The following SLIT3 variants were observed in gnomAD, a reference collection of about 807,000 sequenced individuals.
SLIT3 encodes slit guidance ligand 3, also known as slit homolog 3 protein.
SLIT3 carries 68 observed loss-of-function variants against 184.0 expected under a neutral mutation model. That is an observed-to-expected ratio of 0.37 (90% confidence interval 0.30 to 0.45). The LOEUF (loss-of-function observed/expected upper bound fraction) is 0.45. Among genes scored for constraint, SLIT3 ranks in the 20% least tolerant of loss-of-function variants. The pLI, the probability that SLIT3 is intolerant of heterozygous loss-of-function variation, is 1.00. For missense variants in SLIT3, 1,707 were observed against 2,026.0 expected (o/e 0.84, Z 3.02); for synonymous variants, 831 against 828.6 (o/e 1.00, Z -0.05).
chr5:168,806,966 G>A (rs187415714), intron 8 of SLIT3, among the ~76,000 whole-genome samples: 1 of 152,304 alleles, frequency 6.6e-6, no homozygotes, highest in African/African-American at 2.4e-5. Context: ...GACGCTGAGT[G>A]TAAACATAGC....
At chr5:169,001,972 G>A (rs1351478222) in intron 4 of SLIT3, among the ~76,000 whole-genome samples, 1 of 151,812 alleles carries the variant, frequency 6.6e-6, no homozygotes, top group African/African-American at 2.4e-5. Context: ...GGAGAGGAGG[G>A]GACTCAAAAG....
At chr5:168,798,223 C>CTTTTTTTTTTTTTTTTTTTTTTTTT (rs747746239) in intron 9 of SLIT3, among the ~76,000 whole-genome samples, 2 of 109,028 alleles carry the variant, frequency 1.8e-5, no homozygotes, top group African/African-American at 9.1e-5. Flanking sequence ...TCTTCTTCTT[C>CTTTTTTTTTTTTTTTTTTTTTTTTT]TTTTTTTTTT....
chr5:168,741,011 G>A (rs1052040594), intron 20 of SLIT3, among the ~76,000 whole-genome samples: 1 of 152,170 alleles, frequency 6.6e-6, no homozygotes, highest in Non-Finnish European at 1.5e-5. Flanking sequence ...GCACGTGGGG[G>A]CATTTTTGTA....
chr5:168,767,091 T>C (rs1755371158), intron 14 of SLIT3, among the ~76,000 whole-genome samples: 1 of 152,188 alleles, frequency 6.6e-6, no homozygotes, highest in East Asian at 1.9e-4. Flanking sequence ...ACTTTAGATT[T>C]TGTGAACATT....
intron 4 of SLIT3, among the ~76,000 whole-genome samples, chr5:169,156,769 G>A (rs959981270): frequency 1.8e-4 from 27 of 152,192 alleles, no homozygotes; most frequent in African/African-American, 5.1e-4. Flanking sequence ...GAAAGATGGC[G>A]TAGATGTGCT....
At chr5:169,134,665 G>T (rs1347486271) in intron 4 of SLIT3, among the ~76,000 whole-genome samples, 2 of 152,096 alleles carry the variant, frequency 1.3e-5, no homozygotes. Context: ...CGAGTTGATG[G>T]GTGCAGCAAA....
At chr5:168,771,347 G>C (rs1184276767) in intron 14 of SLIT3, among the ~76,000 whole-genome samples, 1 of 152,180 alleles carries the variant, frequency 6.6e-6, no homozygotes, top group African/African-American at 2.4e-5. Context: ...CATCCAAGCA[G>C]CTGATTGTCA....
chr5:169,054,007 C>T (rs866158389), intron 4 of SLIT3, among the ~76,000 whole-genome samples: 15 of 152,026 alleles, frequency 9.9e-5, no homozygotes, highest in Admixed American at 7.2e-4. Context: ...AGGAGAATCT[C>T]TTGAACCCGG....
chr5:169,025,775 C>G (rs972447961), intron 4 of SLIT3, among the ~76,000 whole-genome samples: 1 of 151,996 alleles, frequency 6.6e-6, no homozygotes, highest in African/African-American at 2.4e-5. Flanking sequence ...GGTGATAGTT[C>G]ATCAAAAAAA....
At chr5:168,813,639 T>C (rs548519744) in intron 8 of SLIT3, among the ~76,000 whole-genome samples, 1 of 152,300 alleles carries the variant, frequency 6.6e-6, no homozygotes, top group East Asian at 1.9e-4. Context: ...AAAGGTACAG[T>C]TGACAGAGGA....
intron 4 of SLIT3, chr5:169,120,190 A>G (rs1374159499): frequency 6.6e-6 from 1 of 152,212 alleles, no homozygotes; most frequent in African/African-American, 2.4e-5. Context: ...ATTTGGTCAG[A>G]GTGCTCAGTT....
At chr5:169,055,737 C>T (rs1434047450) in intron 4 of SLIT3, among the ~76,000 whole-genome samples, 2 of 151,156 alleles carry the variant, frequency 1.3e-5, no homozygotes, top group Admixed American at 6.6e-5. Flanking sequence ...GAGGCTGAGG[C>T]AGAGAATGGT....
At chr5:169,258,252 A>T (rs755148329) in intron 1 of SLIT3, among the ~76,000 whole-genome samples, 3 of 152,062 alleles carry the variant, frequency 2.0e-5, no homozygotes, top group Non-Finnish European at 2.9e-5. Context: ...CCATTAGAGC[A>T]TTTTTTTTAT....
At position 168,696,399 on chromosome 5, in the gene SLIT3, C is replaced by T. The variant is rs769550253; in HGVS notation, c.2975G>A (p.Arg992Gln). ...CSCPLGFEGQRCEINPDDCED... is the reference protein window; with the variant it reads ...CSCPLGFEGQQCEINPDDCED... ...ACAGTCATCTGGGTTGATCTCACAC[C>T]GCTGCCCCTCAAAGCCCAGAGGGCA... The change falls in exon 28 of 36, where the codon CGG becomes CAG. Residue 992 changes from arginine (R) to glutamine (Q), a missense_variant. Arg to Gln is a conservative substitution (Grantham distance 43). Around this residue, in one of 3 missense-constraint regions of SLIT3, gnomAD observed 1,307 missense variants for 1,511.6 expected, o/e 0.86. Coordinates refer to ENST00000519560, the MANE Select transcript of SLIT3 (RefSeq NM_003062.4). The T allele has an allele frequency of 3.0e-5, 49 of 1,613,996 alleles. No individual in the cohort carries two copies. The highest frequency in any genetic ancestry group is 8.9e-5 in the East Asian group (4 of 44,880).
At chr5:169,257,844 C>G (rs1423800662) in intron 1 of SLIT3, among the ~76,000 whole-genome samples, 1 of 152,076 alleles carries the variant, frequency 6.6e-6, no homozygotes, top group Non-Finnish European at 1.5e-5. Context: ...CATGAGCCAC[C>G]ATGCCCAGCC....
chr5:169,196,235 A>G (rs1395177937), intron 3 of SLIT3, among the ~76,000 whole-genome samples: 1 of 152,096 alleles, frequency 6.6e-6, no homozygotes, highest in Non-Finnish European at 1.5e-5. Context: ...AGTAGTTCCC[A>G]TGTACTCAGC....
At chr5:168,945,833 G>A (rs577845570) in intron 4 of SLIT3, among the ~76,000 whole-genome samples, 12 of 152,292 alleles carry the variant, frequency 7.9e-5, no homozygotes, top group African/African-American at 2.2e-4. Context: ...AAAGAAAGAG[G>A]GCAGTGGTTC....
chr5:168,669,894 CAG>C lies in SLIT3; in HGVS notation c.4223_4224del (p.Ser1408CysfsTer31). Reference sequence around the variant, plus strand: ...CACTTGAAGGCTGAGCAGGCATTGGCAGAGTCATTCTTGTTGTCACACAAGTC... The same window carrying C: ...CACTTGAAGGCTGAGCAGGCATTGGCAGTCATTCTTGTTGTCACACAAGTC... ...GGDLCDNKND[S>X]ANACSAFKCH... On this transcript the variant is annotated frameshift_variant, in exon 35 of 36. Coordinates refer to ENST00000519560, the MANE Select transcript of SLIT3 (RefSeq NM_003062.4). LOFTEE classifies it high-confidence loss of function. 1 of 1,614,198 alleles carries C rather than the reference CAG, an allele frequency of 6.2e-7. No homozygotes were observed. The highest frequency in any genetic ancestry group is 8.5e-7 in the Non-Finnish European group (1 of 1,180,026).
intron 4 of SLIT3, among the ~76,000 whole-genome samples, chr5:168,971,836 G>A (rs937060067): frequency 2.6e-5 from 4 of 152,190 alleles, no homozygotes; most frequent in African/African-American, 9.7e-5. Context: ...CATATTCCAT[G>A]AGCAAGGCTC....
Sources: allele counts gnomAD v4.1 joint callset (sites outside exome capture counted in the v4.1 genomes callset), GRCh38; gene constraint gnomAD v4.1.1; regional missense constraint gnomAD v4.1.1; transcripts MANE v1.5; gene names NCBI Gene and HGNC (gene_info 2026-07-23, HGNC 2026-07-21).